The following ATL3 variants were observed in gnomAD, a reference collection of about 807,000 sequenced individuals.
ATL3 encodes the protein atlastin-3.
ATL3 carries 49 observed loss-of-function variants against 69.5 expected under a neutral mutation model. That is an observed-to-expected ratio of 0.71 (90% CI 0.56 to 0.89). The LOEUF (loss-of-function observed/expected upper bound fraction) is 0.89. Among genes scored for constraint, ATL3 ranks in the 40% least tolerant of loss-of-function variants. The pLI is 0.00. For synonymous variants in ATL3, 214 were observed against 224.1 expected, an observed-to-expected ratio of 0.95 and a Z score of 0.40; for missense variants, 606 against 645.7, an observed-to-expected ratio of 0.94 and a Z score of 0.67.
At chr11:63,639,746 C>A (rs61928163) in intron 8 of ATL3, among the ~76,000 whole-genome samples, 16,534 of 152,088 alleles carry the variant, frequency 0.11, 1,050 homozygotes, top group South Asian at 0.16. Context: ...CAGAGCAAGA[C>A]CCTGTCTCTA....
At chr11:63,642,629 A>C (rs1939737060) in intron 8 of ATL3, among the ~76,000 whole-genome samples, 1 of 152,180 alleles carries the variant, frequency 6.6e-6, no homozygotes, top group African/African-American at 2.4e-5. Context: ...AAGTTACTTA[A>C]CTTTCCTCCT....
intron 3 of ATL3, 52 bp from the exon 4 acceptor site, chr11:63,652,627 C>G (rs773705401): frequency 7.3e-7 from 1 of 1,367,436 alleles, no homozygotes; most frequent in Admixed American, 1.9e-5. Flanking sequence ...AAGGAGGAAA[C>G]CGTAAAGGAG....
intron 7 of ATL3, 44 bp from the exon 8 acceptor site, chr11:63,643,539 T>G (rs1393089468): frequency 2.5e-6 from 4 of 1,572,410 alleles, no homozygotes; most frequent in Non-Finnish European, 3.5e-6. Flanking sequence ...AGTCATTTGG[T>G]TTTCTTCACT....
intron 1 of ATL3, 85 bp downstream of exon 1, chr11:63,671,205 C>G (rs1334997539): frequency 6.2e-6 from 9 of 1,460,668 alleles, no homozygotes; most frequent in East Asian, 2.9e-5. Flanking sequence ...AGGGCGGCGG[C>G]GCGGGCGGGG....
At chr11:63,631,875 A>C (rs570459399) in intron 11 of ATL3, among the ~76,000 whole-genome samples, 1 of 152,162 alleles carries the variant, frequency 6.6e-6, no homozygotes, top group African/African-American at 2.4e-5. Context: ...CCAGCTACTC[A>C]GAAGGCTGAG....
Position 63,643,411 on chromosome 11 carries a change from G to T in ATL3, c.796C>A (p.Pro266Thr), listed in dbSNP as rs1052779395. The T allele has an allele frequency of 6.2e-7, 1 of 1,611,258 alleles. No individual in the cohort carries two copies. Among genetic ancestry groups the T allele is most frequent in the African/African-American group, 1.3e-5 (1 of 74,914 alleles). The change falls in exon 8 of 13, where the codon CCA (proline) becomes ACA (threonine). Residue 266 changes from proline (P) to threonine (T), a missense_variant. Transcript: ENST00000398868. ...GTGGCCACCTGGAGTCCTGGATGTG[G>T]TAAGAGAAAGCAGGTGACATCGGAG... ...CFSDVTCFLL[P>T]HPGLQVATSP...
Position 63,659,241 on chromosome 11 carries a change from C to T in ATL3, c.58G>A (p.Glu20Lys), listed in dbSNP as rs1481114561. The T allele has an allele frequency of 6.2e-7, 1 of 1,613,936 alleles. No homozygotes were observed. Among genetic ancestry groups the T allele is most frequent in the Admixed American group, 1.7e-5 (1 of 60,004 alleles). The change falls in exon 2 of 13, where the codon GAG becomes AAG. Residue 20 changes from glutamate (E) to lysine (K), a missense_variant. Physicochemically the swap from Glu to Lys is moderately conservative, Grantham distance 56 (BLOSUM62 1). Coordinates refer to ENST00000398868, the MANE Select transcript of ATL3 (RefSeq NM_015459.5). Reference protein sequence around the residue: ...AASRGADDAMESSKPGPVQVV... With the variant: ...AASRGADDAMKSSKPGPVQVV... ...TGCACTGGACCAGGCTTGCTGCTCT[C>T]CATGGCATCATCTATGTTCATGCAG... is the stretch of plus-strand genomic sequence containing the variant.
At chr11:63,638,640 G>C (rs1405802331) in intron 8 of ATL3, among the ~76,000 whole-genome samples, 1 of 152,052 alleles carries the variant, frequency 6.6e-6, no homozygotes, top group African/African-American at 2.4e-5. Context: ...GGGAGGCGGA[G>C]GTGGCAGTGA....
intron 1 of ATL3, 87 bp from the exon 2 acceptor site, chr11:63,659,339 G>A: frequency 1.7e-6 from 2 of 1,174,952 alleles, no homozygotes; most frequent in South Asian, 1.3e-5. Context: ...CTTAAACAGG[G>A]GACAGGGCCA....
At chr11:63,669,022 G>T (rs1242493003) in intron 1 of ATL3, among the ~76,000 whole-genome samples, 4 of 133,944 alleles carry the variant, frequency 3.0e-5, no homozygotes, top group African/African-American at 1.1e-4. Flanking sequence ...GGTGGGGGGG[G>T]GCGTCTCACC....
chr11:63,648,207 A>T (rs76126100), intron 5 of ATL3, among the ~76,000 whole-genome samples: 1 of 152,142 alleles, frequency 6.6e-6, no homozygotes, highest in East Asian at 1.9e-4. Flanking sequence ...AGGTACTTAA[A>T]TCAAAGTCCA....
Position 63,646,561 on chromosome 11 carries a change from G to T in ATL3, c.564C>A (p.Leu188=). The T allele has an allele frequency of 6.2e-7, 1 of 1,601,084 alleles. No individual in the cohort carries two copies. Among genetic ancestry groups the T allele is most frequent in the South Asian group, 1.1e-5 (1 of 88,542 alleles). The change falls in exon 6 of 13, where the codon CTC becomes CTA. Residue 188 remains leucine, a splice_region_variant and synonymous_variant. Coordinates refer to ENST00000398868, the MANE Select transcript of ATL3 (RefSeq NM_015459.5). The part of the protein sequence containing the change: ...IQEDDLQQLQ[L]FTEYGRLAMD... ...TTGCCAGACGACCGTATTCTGTGAA[G>T]AGCTTTAAAAAAGAAGCATTATGGT...
At chr11:63,666,333 C>A (rs1276236672) in intron 1 of ATL3, among the ~76,000 whole-genome samples, 1 of 152,172 alleles carries the variant, frequency 6.6e-6, no homozygotes, top group East Asian at 1.9e-4. Flanking sequence ...GCCACCGCGC[C>A]CGGCCTACCC....
At chr11:63,642,072 C>G (rs1327535615) in intron 8 of ATL3, among the ~76,000 whole-genome samples, 1 of 152,096 alleles carries the variant, frequency 6.6e-6, no homozygotes. Context: ...AATATATTAC[C>G]TAGAGACATA....
chr11:63,652,866 G>A (rs1940123689), intron 3 of ATL3, among the ~76,000 whole-genome samples: 1 of 152,134 alleles, frequency 6.6e-6, no homozygotes, highest in South Asian at 2.1e-4. Context: ...CCAGGCATTT[G>A]GATGTTTCCT....
At chr11:63,658,728 G>C in intron 3 of ATL3, 33 bp downstream of exon 3, 3 of 1,569,268 alleles carry the variant, frequency 1.9e-6, no homozygotes, top group Non-Finnish European at 2.6e-6. Context: ...TGTTGTTGTT[G>C]TTGTTAATCT....
At chr11:63,658,724 T>C in intron 3 of ATL3, 37 bp downstream of exon 3, 1 of 1,565,564 alleles carries the variant, frequency 6.4e-7, no homozygotes, top group Non-Finnish European at 8.6e-7. Flanking sequence ...ATTTTGTTGT[T>C]GTTGTTGTTA....
chr11:63,632,475 A>T (rs1939353043), intron 11 of ATL3: 8 of 853,298 alleles, frequency 9.4e-6, no homozygotes, highest in Non-Finnish European at 1.4e-5. Flanking sequence ...GTAAAAGAGT[A>T]ACTGGTTTGG....
Position 63,666,680 on chromosome 11 carries a change from G to C in ATL3, c.46+4610C>G, listed in dbSNP as rs531994129. Among the ~76,000 whole-genome samples the C allele has an allele frequency of 2.1e-4, 31 of 150,336 alleles. No individual in the cohort carries two copies. In the South Asian group the frequency reaches 2.4e-3, roughly 12 times the overall value. On this transcript the variant is annotated intron_variant, in intron 1 of 12. Transcript: ENST00000398868. ...CCACCTCAGACTCTCAAAGTGCTGG[G>C]ATTACAGGCATGAGCCACCGTGCCC...
Sources: gnomAD v4.1 joint callset for allele counts (sites outside exome capture counted in the v4.1 genomes callset) on GRCh38, gnomAD v4.1.1 for gene constraint, MANE v1.5 for transcripts, NCBI Gene and HGNC (gene_info 2026-07-23, HGNC 2026-07-21) for gene names.